CSAD: variants seen among roughly 807,000 people sequenced by gnomAD.
The protein encoded by CSAD is P-selectin cytoplasmic tail-associated protein.
Under a neutral mutation model 61.5 loss-of-function variants are expected in CSAD, and 47 were observed. The ratio of observed to expected loss-of-function variants is 0.76; its 90% CI spans 0.60 to 0.97. The LOEUF is 0.97. CSAD is among the 50% of genes least tolerant of loss of function. CSAD has a pLI of 0.00. For missense variants in CSAD, 611 were observed against 643.6 expected, an observed-to-expected ratio of 0.95 and a Z score of 0.55; for synonymous variants, 245 against 252.7, an observed-to-expected ratio of 0.97 and a Z score of 0.29.
chr12:53,173,180 C>A (rs1421754382), intron 4 of CSAD, 165 bp downstream of exon 4: 2 of 675,208 alleles, frequency 3.0e-6, no homozygotes, highest in African/African-American at 1.9e-5. Context: ...TGCACTCCAG[C>A]CTGGCCGATA....
intron 16 of CSAD, 149 bp downstream of exon 16, chr12:53,159,474 C>T (rs1030578641): frequency 7.5e-5 from 49 of 655,108 alleles, no homozygotes; most frequent in Non-Finnish European, 1.3e-4. Context: ...TCCTCCCCAT[C>T]CCCACCCCTA....
At chr12:53,180,505 C>G (rs2121526259) in intron 1 of CSAD, 6 of 1,259,220 alleles carry the variant, frequency 4.8e-6, no homozygotes, top group South Asian at 1.3e-5. Flanking sequence ...CCGGCCACGG[C>G]GCACGCGCCG....
At chr12:53,180,010 G>A (rs1338864988) in intron 1 of CSAD, 20 of 1,451,722 alleles carry the variant, frequency 1.4e-5, no homozygotes, top group Non-Finnish European at 1.8e-5. Flanking sequence ...GATGCTGGAC[G>A]GCCTGGAGTA....
chr12:53,162,167 C>T (rs898102714), intron 10 of CSAD, among the ~76,000 whole-genome samples: 6 of 150,958 alleles, frequency 4.0e-5, no homozygotes, highest in African/African-American at 7.3e-5. Flanking sequence ...AGGCGGAAGC[C>T]GAGGCAGAGG....
chr12:53,173,649 A>G, intron 3 of CSAD, 79 bp downstream of exon 3: 4 of 1,438,408 alleles, frequency 2.8e-6, no homozygotes, highest in Non-Finnish European at 3.9e-6. Context: ...CAGTGGGAAC[A>G]GGTGGGAGAG....
At chr12:53,163,730 T>C (rs148267146) in intron 10 of CSAD, among the ~76,000 whole-genome samples, 71 of 152,352 alleles carry the variant, frequency 4.7e-4, no homozygotes, top group African/African-American at 1.6e-3. Context: ...AAATCCCAGT[T>C]GCCCTCTTTG....
At position 53,171,995 on chromosome 12, in the gene CSAD, G is replaced by A. The variant is rs1244149512; in HGVS notation, c.345-7C>T. 1.9e-6 allele frequency: 3 copies of A among 1,606,218 alleles called. No individual in the cohort carries two copies. Among genetic ancestry groups the A allele is most frequent in the Non-Finnish European group, 2.6e-6 (3 of 1,173,160 alleles). On this transcript the variant is annotated splice_region_variant and splice_polypyrimidine_tract_variant and intron_variant, in intron 6 of 16. Coordinates refer to ENST00000444623, the MANE Select transcript of CSAD (RefSeq NM_001244705.2). ...GGCGATTTCATATGTGTACCTGCCAGGAGAGAGAACGACGAGAAAGGAGAG... is the reference window on the plus strand; with the variant it reads ...GGCGATTTCATATGTGTACCTGCCAAGAGAGAGAACGACGAGAAAGGAGAG...
At chr12:53,177,728 T>G (rs1941214544) in intron 2 of CSAD, among the ~76,000 whole-genome samples, 1 of 152,114 alleles carries the variant, frequency 6.6e-6, no homozygotes, top group Admixed American at 6.6e-5. Context: ...AACCCCCGCC[T>G]CCCGGGTTCA....
chr12:53,172,064 TCA>T, intron 6 of CSAD, 76 bp from the exon 7 acceptor site: 1 of 1,033,520 alleles, frequency 9.7e-7, no homozygotes, highest in Non-Finnish European at 1.5e-6. Flanking sequence ...TGCACAGGAG[TCA>T]CAAAAAGGAG....
At chr12:53,171,301 G>T (rs772120397) in intron 8 of CSAD, 25 bp downstream of exon 8, 6 of 1,613,740 alleles carry the variant, frequency 3.7e-6, no homozygotes, top group Non-Finnish European at 5.1e-6. Flanking sequence ...AGGAGCCCAG[G>T]GTTGGGCCTG....
At position 53,164,426 on chromosome 12, in the gene CSAD, C is replaced by G. The variant is rs545721279; in HGVS notation, c.703-3037G>C. On this transcript the variant is annotated intron_variant, in intron 10 of 16. Coordinates refer to ENST00000444623, the MANE Select transcript of CSAD (RefSeq NM_001244705.2). ...ATAAAAAAGAATGAAATCATGTCCT[C>G]TGCAGCAACATGGATGCAGCTGGAG... is the stretch of plus-strand genomic sequence containing the variant. 9 of 203,982 alleles carry G rather than the reference C, an allele frequency of 4.4e-5. No homozygotes were observed. In the South Asian group the frequency reaches 6.1e-4, roughly 14 times the overall value. 12.6% of individuals were successfully genotyped at this position (203,982 alleles called of 1,614,324 possible). A position where few individuals can be genotyped will look rare whatever the true frequency, so the allele number is the denominator to read the frequency against.
chr12:53,180,519 T>C, intron 1 of CSAD: 1 of 1,271,446 alleles, frequency 7.9e-7, no homozygotes, highest in South Asian at 1.3e-5. Context: ...CGCGCCGGCC[T>C]CAGCGCTCCC....
At position 53,180,808 on chromosome 12, in the gene CSAD, A is replaced by G. The variant is rs1198469557; in HGVS notation, c.-167T>C. On this transcript the variant is annotated 5_prime_UTR_variant, in exon 1 of 17. Coordinates refer to ENST00000444623, the MANE Select transcript of CSAD (RefSeq NM_001244705.2). ...GGCCTGGAGGAGGCGCCGCGCGGCC[A>G]GGGAGCCAGCGGGAGGCCGCGCCTG... 1 of 1,272,248 alleles carries G rather than the reference A, an allele frequency of 7.9e-7. No individual in the cohort carries two copies. The highest frequency in any genetic ancestry group is 1.0e-6 in the Non-Finnish European group (1 of 982,292). 78.8% of individuals were successfully genotyped at this position (1,272,248 alleles called of 1,614,324 possible). A position where few individuals can be genotyped will look rare whatever the true frequency, so the allele number is the denominator to read the frequency against.
intron 13 of CSAD, 31 bp from the exon 14 acceptor site, chr12:53,160,350 T>C (rs1350541911): frequency 1.2e-6 from 2 of 1,600,574 alleles, no homozygotes; most frequent in South Asian, 2.2e-5. Flanking sequence ...TGTCAGACCC[T>C]ACCCTCTCCA....
At chr12:53,169,169 G>C (rs993692412) in intron 10 of CSAD, among the ~76,000 whole-genome samples, 1 of 148,004 alleles carries the variant, frequency 6.8e-6, no homozygotes, top group Admixed American at 6.8e-5. Context: ...GACACAACGA[G>C]ACTCTGTCTC....
At chr12:53,171,297 C>A in intron 8 of CSAD, 29 bp downstream of exon 8, 1 of 1,613,644 alleles carries the variant, frequency 6.2e-7, no homozygotes, top group East Asian at 2.2e-5. Flanking sequence ...AATCAGGAGC[C>A]CAGGGTTGGG....
In CSAD at chr12:53,159,637, C is replaced by T; in HGVS notation, c.1294G>A (p.Glu432Lys). ...RGKQESPDYH[E>K]RLSKVAPVLK... is the part of the protein sequence containing the mutation. ...AGCACGCCTACCTTTGACAGCCTTT[C>T]GTGGTAATCTGGACTCTCCTGCTTC... The change falls in exon 16 of 17, where the codon GAA becomes AAA. Residue 432 changes from glutamate to lysine, a missense_variant. Transcript: ENST00000444623. 1 of 1,611,052 alleles carries T rather than the reference C, an allele frequency of 6.2e-7. No individual in the cohort carries two copies. The highest frequency in any genetic ancestry group is 8.5e-7 in the Non-Finnish European group (1 of 1,178,714).
chr12:53,166,577 C>T (rs1405355242), intron 10 of CSAD, among the ~76,000 whole-genome samples: 1 of 151,794 alleles, frequency 6.6e-6, no homozygotes, highest in East Asian at 1.9e-4. Flanking sequence ...GTGGGCAGAT[C>T]ACTTAAGGCC....
At position 53,172,522 on chromosome 12, in the gene CSAD, C is replaced by T. The variant is rs1455231252; in HGVS notation, c.253G>A (p.Gly85Ser). 6.2e-7 allele frequency: 1 copy of T among 1,614,028 alleles called. No individual in the cohort carries two copies. The highest frequency in any genetic ancestry group is 8.5e-7 in the Non-Finnish European group (1 of 1,180,022). Residue 85 changes from glycine (G) to serine (S), a missense_variant and splice_region_variant, in exon 5 of 17, where the codon GGT (glycine) becomes AGT (serine). By Grantham distance (56) the Gly-to-Ser change is moderately conservative. Coordinates refer to ENST00000444623, the MANE Select transcript of CSAD (RefSeq NM_001244705.2). ...RAVIRYSVKT[G>S]HPRFFNQLFS... The stretch of plus-strand genomic sequence containing the variant: ...CCTCCTCACAGAAGCCAGGGCCCAC[C>T]AGTCTTGACACTGTAGCGAATCACA...
Sources: gnomAD v4.1 joint callset for allele counts (sites outside exome capture counted in the v4.1 genomes callset) on GRCh38, gnomAD v4.1.1 for gene constraint, MANE v1.5 for transcripts, NCBI Gene and HGNC (gene_info 2026-07-23, HGNC 2026-07-21) for gene names.